The following GPC6 variants were observed in gnomAD, a reference collection of about 807,000 sequenced individuals.
The protein encoded by GPC6 is glypican-6.
In GPC6, 14 loss-of-function variants were observed where a neutral mutation model predicts 55.2. The observed-to-expected ratio is 0.25, with a 90% CI of 0.17 to 0.40. The LOEUF is 0.40. GPC6 is among the 10% of genes least tolerant of loss of function. The probability of loss-of-function intolerance (pLI) is 1.00; values close to 1 mark genes in which losing one functional copy is unlikely to be tolerated. For synonymous variants in GPC6, 278 were observed against 259.6 expected (o/e 1.07, Z -0.68); for missense variants, 641 against 708.5 (o/e 0.90, Z 1.08).
chr13:94,394,073 T>C (rs926251885), intron 7 of GPC6, among the ~76,000 whole-genome samples: 73 of 152,288 alleles, frequency 4.8e-4, no homozygotes, highest in African/African-American at 1.4e-3. Context: ...CAAATTTCCA[T>C]AGGACTCTTC....
chr13:94,259,682 CTGGCAA>C (rs1023567272), intron 4 of GPC6, among the ~76,000 whole-genome samples: 13 of 152,106 alleles, frequency 8.5e-5, no homozygotes, highest in African/African-American at 3.1e-4. Context: ...CTTTTGGTAC[CTGGCAA>C]TGGCCACTCT....
intron 2 of GPC6, among the ~76,000 whole-genome samples, chr13:93,550,695 C>T (rs1875102772): frequency 6.6e-6 from 1 of 151,894 alleles, no homozygotes; most frequent in Admixed American, 6.6e-5. Flanking sequence ...GCCTAATTTT[C>T]TCAGAGAATA....
At chr13:93,220,674 T>A in the GPC6 span, among the ~76,000 whole-genome samples, 1 of 152,306 alleles carries the variant, frequency 6.6e-6, no homozygotes, top group South Asian at 2.1e-4. Context: ...TTCCTAATGA[T>A]GTTATGAAAT....
chr13:93,358,971 C>A (rs143299076), intron 1 of GPC6, among the ~76,000 whole-genome samples: 10 of 127,004 alleles, frequency 7.9e-5, no homozygotes, highest in Non-Finnish European at 1.6e-4. Context: ...TTAATTCTCT[C>A]TCTCTTTTTT....
intron 1 of GPC6, among the ~76,000 whole-genome samples, chr13:93,426,873 A>G (rs1163857825): frequency 6.8e-6 from 1 of 147,002 alleles, no homozygotes; most frequent in Non-Finnish European, 1.5e-5. Context: ...AAGTGTTCCT[A>G]TTTCTCCACA....
chr13:93,989,361 G>A (rs953842057), intron 3 of GPC6, among the ~76,000 whole-genome samples: 2 of 152,150 alleles, frequency 1.3e-5, no homozygotes, highest in Non-Finnish European at 2.9e-5. Context: ...TACAGGGTTT[G>A]TGTTGAGTAA....
At chr13:94,043,935 T>C (rs1262133650) in intron 4 of GPC6, among the ~76,000 whole-genome samples, 1 of 151,892 alleles carries the variant, frequency 6.6e-6, no homozygotes, top group Non-Finnish European at 1.5e-5. Context: ...TCATTGGTAA[T>C]AGAATTAGGT....
chr13:93,531,185 G>A (rs953923040), intron 1 of GPC6, among the ~76,000 whole-genome samples: 1 of 151,936 alleles, frequency 6.6e-6, no homozygotes, highest in African/African-American at 2.4e-5. Flanking sequence ...GGAGTCCCAA[G>A]TGTCTGTATC....
chr13:94,109,496 A>C (rs1331880817), intron 4 of GPC6, among the ~76,000 whole-genome samples: 3 of 151,090 alleles, frequency 2.0e-5, no homozygotes, highest in Non-Finnish European at 4.5e-5. Context: ...TTCAATGACT[A>C]CTTATCCTAA....
At chr13:94,353,784 A>G (rs1878666160) in intron 6 of GPC6, among the ~76,000 whole-genome samples, 1 of 152,220 alleles carries the variant, frequency 6.6e-6, no homozygotes, top group African/African-American at 2.4e-5. Flanking sequence ...TTATTAAATT[A>G]CGGAACTAAA....
At chr13:94,173,599 T>G (rs1888647545) in intron 4 of GPC6, among the ~76,000 whole-genome samples, 1 of 152,192 alleles carries the variant, frequency 6.6e-6, no homozygotes, top group South Asian at 2.1e-4. Flanking sequence ...GTAGTGATTT[T>G]CCAGTTCTAG....
intron 1 of GPC6, among the ~76,000 whole-genome samples, chr13:93,240,626 A>G (rs1199717861): frequency 6.6e-6 from 1 of 152,116 alleles, no homozygotes; most frequent in Non-Finnish European, 1.5e-5. Context: ...GAGCATTTAG[A>G]TCATTTATAT....
In GPC6 at chr13:93,979,278, CTT is replaced by C. The variant is rs1491223590; in HGVS notation, c.712-48448_712-48447del. Among the ~76,000 whole-genome samples the C allele has an allele frequency of 9.7e-4, 73 of 75,184 alleles. 2 individuals are homozygous for C. The highest frequency in any genetic ancestry group is 5.0e-4 in the South Asian group (1 of 2,004). 49.3% of individuals were successfully genotyped at this position (75,184 alleles called of 152,430 possible). A position where few individuals can be genotyped will look rare whatever the true frequency, so the allele number is the denominator to read the frequency against. On this transcript the variant is annotated intron_variant, in intron 3 of 8. Coordinates refer to ENST00000377047, the MANE Select transcript of GPC6 (RefSeq NM_005708.5). ...CATATTGGACAGCACAAAGACACTT[CTT>C]TTGTGTGTGTGTGTGTGTGTGTGTG...
At chr13:93,476,531 T>C (rs752747012) in intron 1 of GPC6, among the ~76,000 whole-genome samples, 1 of 152,168 alleles carries the variant, frequency 6.6e-6, no homozygotes, top group Non-Finnish European at 1.5e-5. Context: ...TTACAAAAAA[T>C]GTATCCATAA....
intron 1 of GPC6, among the ~76,000 whole-genome samples, chr13:93,262,895 T>C (rs1282097002): frequency 6.6e-6 from 1 of 151,410 alleles, no homozygotes; most frequent in East Asian, 1.9e-4. Context: ...ATAGTGAGAG[T>C]AGAGAGATTT....
chr13:94,203,633 T>A (rs1463113131), intron 4 of GPC6, among the ~76,000 whole-genome samples: 3 of 152,186 alleles, frequency 2.0e-5, no homozygotes, highest in Admixed American at 6.5e-5. Context: ...AGTATTAGAA[T>A]ACTTCTGTCT....
At chr13:94,385,174 A>T (rs901232555) in intron 7 of GPC6, among the ~76,000 whole-genome samples, 1 of 151,608 alleles carries the variant, frequency 6.6e-6, no homozygotes, top group African/African-American at 2.4e-5. Context: ...CAGGAAAAGG[A>T]GGTTGCAGTG....
Position 93,231,375 on chromosome 13 carries a change from ATATACATATATATATATATATG to A in GPC6, c.160+3764_160+3785del, listed in dbSNP as rs1876027701. Among the ~76,000 whole-genome samples, 6 of 17,516 alleles carry A rather than the reference ATATACATATATATATATATATG, an allele frequency of 3.4e-4. No homozygotes were observed. In the South Asian group the frequency reaches 8.9e-3, roughly 26 times the overall value. 11.5% of individuals were successfully genotyped at this position (17,516 alleles called of 152,430 possible). A position where few individuals can be genotyped will look rare whatever the true frequency, so the allele number is the denominator to read the frequency against. The stretch of plus-strand genomic sequence containing the variant: ...TATATATATACGTATATATATATAT[ATATACATATATATATATATATG>A]TATATATATATATATATATATATAT... On this transcript the variant is annotated intron_variant, in intron 1 of 8. Coordinates refer to ENST00000377047, the MANE Select transcript of GPC6 (RefSeq NM_005708.5).
chr13:94,279,806 A>G (rs1054267004), intron 4 of GPC6, among the ~76,000 whole-genome samples: 1 of 152,088 alleles, frequency 6.6e-6, no homozygotes, highest in African/African-American at 2.4e-5. Flanking sequence ...GGTCTGAGAG[A>G]CTATTTGTTA....
Sources: allele counts gnomAD v4.1 joint callset (sites outside exome capture counted in the v4.1 genomes callset), GRCh38; gene constraint gnomAD v4.1.1; transcripts MANE v1.5; gene names NCBI Gene and HGNC (gene_info 2026-07-23, HGNC 2026-07-21).